BCL2: variants seen among roughly 807,000 people sequenced by gnomAD.
The protein encoded by BCL2 is apoptosis regulator Bcl-2.
Under a neutral mutation model 14.2 loss-of-function variants are expected in BCL2, and 1 was observed. The observed-to-expected ratio is 0.07, with a 90% CI of 0.02 to 0.33. The LOEUF (loss-of-function observed/expected upper bound fraction) is 0.33. Among genes scored for constraint, BCL2 ranks in the 10% least tolerant of loss-of-function variants. BCL2 has a pLI of 0.99. For synonymous variants in BCL2, 151 were observed against 137.2 expected, an observed-to-expected ratio of 1.10 and a Z score of -0.70; for missense variants, 247 against 305.9, an observed-to-expected ratio of 0.81 and a Z score of 1.44.
chr18:63,205,428 A>G (rs1381722352), intron 2 of BCL2, among the ~76,000 whole-genome samples: 1 of 152,208 alleles, frequency 6.6e-6, no homozygotes, highest in Non-Finnish European at 1.5e-5. Flanking sequence ...ATAAACAAAA[A>G]CATTCGGACC....
At chr18:63,218,253 C>T (rs1910262553) in intron 2 of BCL2, among the ~76,000 whole-genome samples, 1 of 152,100 alleles carries the variant, frequency 6.6e-6, no homozygotes, top group Non-Finnish European at 1.5e-5. Flanking sequence ...TCTGTTCTTT[C>T]TGAGTCCCCT....
chr18:63,238,832 C>T (rs940358292), intron 2 of BCL2, among the ~76,000 whole-genome samples: 1 of 152,154 alleles, frequency 6.6e-6, no homozygotes, highest in Non-Finnish European at 1.5e-5. Flanking sequence ...GCAAGATGAG[C>T]GTATGGATTG....
chr18:63,308,818 A>G (rs1403964705), intron 2 of BCL2, among the ~76,000 whole-genome samples: 7 of 152,190 alleles, frequency 4.6e-5, no homozygotes, highest in Non-Finnish European at 1.0e-4. Flanking sequence ...TTAGCTGCTT[A>G]GGATGAATTG....
intron 2 of BCL2, among the ~76,000 whole-genome samples, chr18:63,288,321 C>A (rs1053874633): frequency 6.6e-6 from 1 of 152,130 alleles, no homozygotes; most frequent in Non-Finnish European, 1.5e-5. Flanking sequence ...GGCACATTAT[C>A]CATTAACATA....
chr18:63,239,247 T>G (rs17070861), intron 2 of BCL2, among the ~76,000 whole-genome samples: 16,777 of 152,174 alleles, frequency 0.11, 1,468 homozygotes, highest in African/African-American at 0.24. Context: ...AGGCTGGAAT[T>G]TAGCCAATAA....
intron 2 of BCL2, among the ~76,000 whole-genome samples, chr18:63,187,858 T>A (rs1915626578): frequency 6.6e-6 from 1 of 152,228 alleles, no homozygotes; most frequent in South Asian, 2.1e-4. Context: ...CTTTTTTATT[T>A]TTCTTTGCTC....
chr18:63,298,090 A>G (rs1912850452), intron 2 of BCL2, among the ~76,000 whole-genome samples: 1 of 151,878 alleles, frequency 6.6e-6, no homozygotes, highest in South Asian at 2.1e-4. Flanking sequence ...AGCAAGACAG[A>G]CCCCCAATTA....
At chr18:63,315,701 C>G (rs1913472250) in intron 2 of BCL2, 1 of 152,050 alleles carries the variant, frequency 6.6e-6, no homozygotes, top group Non-Finnish European at 1.5e-5. Context: ...GAGATGTAAC[C>G]CCAATTGGTG....
At chr18:63,213,891 A>C (rs1910124894) in intron 2 of BCL2, among the ~76,000 whole-genome samples, 1 of 152,084 alleles carries the variant, frequency 6.6e-6, no homozygotes, top group Non-Finnish European at 1.5e-5. Flanking sequence ...GCCCTCAGGG[A>C]CCTCTAGGTC....
At chr18:63,241,909 A>C (rs1411078629) in intron 2 of BCL2, among the ~76,000 whole-genome samples, 1 of 152,230 alleles carries the variant, frequency 6.6e-6, no homozygotes, top group Non-Finnish European at 1.5e-5. Flanking sequence ...GCCGACACTA[A>C]TAGGATGCAA....
chr18:63,274,277 C>CTTTTTTTTTTTTTTTTT (rs74169950), intron 2 of BCL2, among the ~76,000 whole-genome samples: 1 of 86,754 alleles, frequency 1.2e-5, no homozygotes, highest in African/African-American at 4.4e-5. Context: ...TAAAGATACT[C>CTTTTTTTTTTTTTTTTT]TTTTTTTTTT....
intron 2 of BCL2, among the ~76,000 whole-genome samples, chr18:63,194,991 T>A (rs1044431433): frequency 1.3e-5 from 2 of 152,226 alleles, no homozygotes; most frequent in East Asian, 3.8e-4. Flanking sequence ...CCAGCTTATT[T>A]TCCCATGATA....
chr18:63,267,888 C>T (rs983231721), intron 2 of BCL2, among the ~76,000 whole-genome samples: 7 of 152,142 alleles, frequency 4.6e-5, no homozygotes, highest in African/African-American at 1.7e-4. Context: ...CTTTCCTTCT[C>T]TGTTTTTCTC....
intron 2 of BCL2, among the ~76,000 whole-genome samples, chr18:63,214,303 C>T (rs1257200560): frequency 1.3e-5 from 2 of 152,196 alleles, no homozygotes; most frequent in East Asian, 3.9e-4. Flanking sequence ...GACTGTGCCA[C>T]CATCTCTGTA....
At chr18:63,254,688 G>A (rs890127224) in intron 2 of BCL2, among the ~76,000 whole-genome samples, 2 of 152,132 alleles carry the variant, frequency 1.3e-5, no homozygotes, top group South Asian at 4.1e-4. Context: ...ATTAATACAC[G>A]TATTTAAAAT....
intron 2 of BCL2, among the ~76,000 whole-genome samples, chr18:63,198,824 CAG>C (rs1491049214): frequency 1.3e-5 from 1 of 76,816 alleles, no homozygotes; most frequent in Admixed American, 1.4e-4. Context: ...CACAGACACA[CAG>C]ACATACACAG....
chr18:63,250,080 A>G (rs1468672114), intron 2 of BCL2, among the ~76,000 whole-genome samples: 7 of 152,208 alleles, frequency 4.6e-5, no homozygotes, highest in Non-Finnish European at 1.0e-4. Flanking sequence ...CTGAGCCAAG[A>G]ACAGTTTGAC....
intron 2 of BCL2, among the ~76,000 whole-genome samples, chr18:63,226,191 C>T (rs971982004): frequency 6.6e-6 from 1 of 152,198 alleles, no homozygotes; most frequent in Non-Finnish European, 1.5e-5. Context: ...TCTCCAACGT[C>T]CAACTGTAGT....
chr18:63,212,242 T>G (rs554459432), intron 2 of BCL2, among the ~76,000 whole-genome samples: 189 of 151,500 alleles, frequency 1.2e-3, no homozygotes, highest in Non-Finnish European at 1.8e-3. Context: ...GAGACAGAAT[T>G]GCTTGAACCC....
Sources: gnomAD v4.1 joint callset for allele counts (sites outside exome capture counted in the v4.1 genomes callset) on GRCh38, gnomAD v4.1.1 for gene constraint, MANE v1.5 for transcripts, NCBI Gene and HGNC (gene_info 2026-07-23, HGNC 2026-07-21) for gene names.